The following ELMO1 variants were observed in gnomAD, a reference collection of about 807,000 sequenced individuals.
ELMO1 encodes engulfment and cell motility protein 1.
In ELMO1, 26 loss-of-function variants were observed where a neutral mutation model predicts 98.9. That is an observed-to-expected ratio of 0.26 (90% CI 0.19 to 0.36). ELMO1 has a LOEUF of 0.36. ELMO1 is among the 10% of genes least tolerant of loss of function. ELMO1 has a pLI of 1.00. For missense variants in ELMO1, 627 were observed against 935.2 expected, an observed-to-expected ratio of 0.67 and a Z score of 4.30; for synonymous variants, 346 against 346.0, an observed-to-expected ratio of 1.00 and a Z score of 0.00.
intron 2 of ELMO1, among the ~76,000 whole-genome samples, chr7:37,337,487 C>T (rs1404887545): frequency 2.7e-5 from 4 of 150,238 alleles, no homozygotes; most frequent in African/African-American, 9.9e-5. Context: ...GTAACTAACC[C>T]GCACGTTGTG....
intron 21 of ELMO1, among the ~76,000 whole-genome samples, chr7:36,860,138 T>C (rs572964660): frequency 1.1e-4 from 17 of 152,324 alleles, no homozygotes; most frequent in African/African-American, 3.4e-4. Flanking sequence ...ACAAAATGTG[T>C]GTGAATCAAC....
chr7:37,091,098 T>C (rs1350985161), intron 15 of ELMO1, among the ~76,000 whole-genome samples: 1 of 152,132 alleles, frequency 6.6e-6, no homozygotes, highest in East Asian at 1.9e-4. Context: ...CAACAATGTA[T>C]TTATTTACTT....
intron 4 of ELMO1, among the ~76,000 whole-genome samples, chr7:37,286,454 A>G (rs1158919871): frequency 6.6e-6 from 1 of 152,226 alleles, no homozygotes; most frequent in Non-Finnish European, 1.5e-5. Flanking sequence ...TGGGCAAGAC[A>G]ACGTCTTGGG....
intron 16 of ELMO1, chr7:36,984,964 G>A (rs1174067449): frequency 1.0e-6 from 1 of 985,362 alleles, no homozygotes; most frequent in Non-Finnish European, 1.2e-6. Flanking sequence ...AATCCTGCTC[G>A]GTGCTTGGGT....
At chr7:37,161,178 A>G (rs549889740) in intron 13 of ELMO1, among the ~76,000 whole-genome samples, 30 of 152,192 alleles carry the variant, frequency 2.0e-4, no homozygotes, top group African/African-American at 6.5e-4. Flanking sequence ...ACATTCTTCT[A>G]AAGTTCCCTC....
At chr7:37,014,029 C>T (rs1044345133) in intron 15 of ELMO1, among the ~76,000 whole-genome samples, 1 of 152,064 alleles carries the variant, frequency 6.6e-6, no homozygotes, top group Non-Finnish European at 1.5e-5. Context: ...GTCAAAGCAA[C>T]CTGAATAGCT....
Position 37,342,699 on chromosome 7 carries a change from C to A in ELMO1, c.-9G>T. Reference sequence around the variant, plus strand: ...TCCGCGGGTGGCGGCATTGTAAGTCCCCAAAATGTTCAAAGCCAGTGGGAA... The same window carrying A: ...TCCGCGGGTGGCGGCATTGTAAGTCACCAAAATGTTCAAAGCCAGTGGGAA... On this transcript the variant is annotated 5_prime_UTR_variant, in exon 2 of 22. Transcript: ENST00000310758. The surrounding 1 kb of genome is among the most constrained non-coding windows in gnomAD (Gnocchi z 4.3). 6.2e-7 allele frequency: 1 copy of A among 1,607,756 alleles called. No homozygotes were observed. The highest frequency in any genetic ancestry group is 8.5e-7 in the Non-Finnish European group (1 of 1,177,562).
intron 1 of ELMO1, among the ~76,000 whole-genome samples, chr7:37,383,746 A>G (rs1180208582): frequency 6.6e-6 from 1 of 152,178 alleles, no homozygotes; most frequent in Non-Finnish European, 1.5e-5. Flanking sequence ...CTAATCATAG[A>G]TTATTTTAGG....
At chr7:37,426,142 CTTTTTT>C (rs36086006) in intron 1 of ELMO1, among the ~76,000 whole-genome samples, 52 of 84,582 alleles carry the variant, frequency 6.1e-4, no homozygotes, top group Admixed American at 2.3e-3. Flanking sequence ...TTTTTTCTTT[CTTTTTT>C]TTTTTTTTTT....
chr7:36,948,051 T>C (rs1052755484), intron 16 of ELMO1, among the ~76,000 whole-genome samples: 1 of 152,214 alleles, frequency 6.6e-6, no homozygotes, highest in Non-Finnish European at 1.5e-5. Context: ...CCAACTCCTA[T>C]GTCGGTTCCT....
intron 8 of ELMO1, among the ~76,000 whole-genome samples, 183 bp downstream of exon 8, chr7:37,232,912 C>T (rs1794256698): frequency 1.3e-5 from 2 of 152,148 alleles, no homozygotes; most frequent in South Asian, 2.1e-4. Flanking sequence ...TAATCTCTTA[C>T]AATCATTTTT....
chr7:37,086,197 C>T (rs1176328730), intron 15 of ELMO1, among the ~76,000 whole-genome samples: 1 of 152,212 alleles, frequency 6.6e-6, no homozygotes. Context: ...GCTCCAGCAC[C>T]TTTTGCTCTT....
At chr7:36,885,048 G>A (rs752566313) in intron 18 of ELMO1, among the ~76,000 whole-genome samples, 4 of 152,140 alleles carry the variant, frequency 2.6e-5, no homozygotes, top group Non-Finnish European at 5.9e-5. Context: ...TGTTTTGATG[G>A]GGTGATAGGA....
chr7:37,067,730 ATCTT>A (rs530315714), intron 15 of ELMO1, among the ~76,000 whole-genome samples: 34 of 152,152 alleles, frequency 2.2e-4, no homozygotes, highest in Non-Finnish European at 2.8e-4. Flanking sequence ...AACTCACATA[ATCTT>A]TCTTTTTTTT....
chr7:36,992,947 G>C (rs13235896), intron 16 of ELMO1, among the ~76,000 whole-genome samples: 1 of 152,014 alleles, frequency 6.6e-6, no homozygotes, highest in East Asian at 1.9e-4. Context: ...TATGCATTCC[G>C]GTCTCCTGTG....
chr7:37,399,180 G>A (rs1379974716), intron 1 of ELMO1, among the ~76,000 whole-genome samples: 1 of 152,140 alleles, frequency 6.6e-6, no homozygotes, highest in Non-Finnish European at 1.5e-5. Context: ...AGCCTGCCCA[G>A]GCTCTGCCAG....
intron 15 of ELMO1, among the ~76,000 whole-genome samples, chr7:37,015,810 C>T (rs1793897346): frequency 6.6e-6 from 1 of 152,112 alleles, no homozygotes; most frequent in African/African-American, 2.4e-5. Flanking sequence ...GTGATTTTTC[C>T]ACACTAATTC....
intron 1 of ELMO1, among the ~76,000 whole-genome samples, chr7:37,417,200 C>A (rs10231765): frequency 0.17 from 25,471 of 152,070 alleles, 2,310 homozygotes; most frequent in South Asian, 0.26. Context: ...CATGGAAAGG[C>A]GTCCCCTGAG....
intron 1 of ELMO1, among the ~76,000 whole-genome samples, chr7:37,387,918 A>AC (rs1054309424): frequency 6.6e-6 from 1 of 151,976 alleles, no homozygotes; most frequent in African/African-American, 2.4e-5. Flanking sequence ...TGCAGCCTTG[A>AC]CCCCCTGGGC....
Sources: gnomAD v4.1 joint callset for allele counts (sites outside exome capture counted in the v4.1 genomes callset) on GRCh38, gnomAD v4.1.1 for gene constraint, Gnocchi (gnomAD v3.1) non-coding constraint, MANE v1.5 for transcripts, NCBI Gene and HGNC (gene_info 2026-07-23, HGNC 2026-07-21) for gene names.